The following ATP10B variants were observed in gnomAD, a reference collection of about 807,000 sequenced individuals.
The protein encoded by ATP10B is ATPase phospholipid transporting 10B (putative), also known as phospholipid-transporting ATPase VB.
Under a neutral mutation model 141.2 loss-of-function variants are expected in ATP10B, and 122 were observed. The observed-to-expected ratio is 0.86, with a 90% CI of 0.75 to 1.00. ATP10B has a LOEUF of 1.00. Among genes scored for constraint, ATP10B ranks in the 50% least tolerant of loss-of-function variants. ATP10B has a pLI of 0.00. For synonymous variants in ATP10B, 685 were observed against 692.0 expected (o/e 0.99, Z 0.16); for missense variants, 1,876 against 1,825.3 (o/e 1.03, Z -0.51).
At chr5:160,829,338 A>G (rs913117081) in intron 1 of ATP10B, among the ~76,000 whole-genome samples, 4 of 152,112 alleles carry the variant, frequency 2.6e-5, no homozygotes, top group African/African-American at 9.7e-5. Flanking sequence ...TGCCAGTACC[A>G]TGCTGTTTTG....
At chr5:160,595,254 A>G (rs1214653569) in intron 22 of ATP10B, among the ~76,000 whole-genome samples, 1 of 152,190 alleles carries the variant, frequency 6.6e-6, no homozygotes, top group East Asian at 1.9e-4. Context: ...AAACCACTCA[A>G]CTACATGGAA....
chr5:160,705,056 C>T (rs1764918907), intron 3 of ATP10B, among the ~76,000 whole-genome samples: 1 of 151,326 alleles, frequency 6.6e-6, no homozygotes, highest in Non-Finnish European at 1.5e-5. Flanking sequence ...GTAGCTGAGA[C>T]TACAGGCGCC....
intron 24 of ATP10B, among the ~76,000 whole-genome samples, chr5:160,587,665 C>T (rs1269073206): frequency 6.6e-6 from 1 of 151,954 alleles, no homozygotes; most frequent in Middle Eastern, 3.2e-3. Flanking sequence ...AGCTGTATTC[C>T]TAGGTATTTT....
At chr5:160,570,282 A>G (rs1378330332) in intron 24 of ATP10B, among the ~76,000 whole-genome samples, 1 of 152,050 alleles carries the variant, frequency 6.6e-6, no homozygotes, top group African/African-American at 2.4e-5. Context: ...CATGACTTTA[A>G]ATATTTTCTT....
intron 1 of ATP10B, among the ~76,000 whole-genome samples, chr5:160,792,810 T>C (rs779962439): frequency 6.6e-6 from 1 of 152,184 alleles, no homozygotes; most frequent in Non-Finnish European, 1.5e-5. Flanking sequence ...TGGTCACTCT[T>C]GGCCTGTGGG....
intron 7 of ATP10B, among the ~76,000 whole-genome samples, chr5:160,653,232 TGTA>T (rs1761047078): frequency 7.6e-6 from 1 of 130,998 alleles, no homozygotes; most frequent in South Asian, 2.3e-4. Flanking sequence ...CATACAAATA[TGTA>T]GTATATATAC....
the ATP10B span, among the ~76,000 whole-genome samples, chr5:160,862,145 T>C: frequency 6.6e-6 from 1 of 152,004 alleles, no homozygotes; most frequent in Non-Finnish European, 1.5e-5. Context: ...TCAACTTAGC[T>C]AGGCTACAGT....
At chr5:160,774,367 G>A (rs542517811) in intron 2 of ATP10B, among the ~76,000 whole-genome samples, 2 of 152,178 alleles carry the variant, frequency 1.3e-5, no homozygotes, top group Non-Finnish European at 2.9e-5. Flanking sequence ...GATATCCAGG[G>A]TTCTGATTCT....
intron 2 of ATP10B, among the ~76,000 whole-genome samples, chr5:160,743,987 G>T (rs1285707235): frequency 6.6e-6 from 1 of 152,102 alleles, no homozygotes; most frequent in Non-Finnish European, 1.5e-5. Context: ...ATAATACCAA[G>T]ATTGAGAAAT....
chr5:160,581,975 C>A (rs921282659), intron 24 of ATP10B, among the ~76,000 whole-genome samples: 1 of 151,784 alleles, frequency 6.6e-6, no homozygotes, highest in African/African-American at 2.4e-5. Flanking sequence ...TGCAACCCTG[C>A]TTTTTTTTGT....
the ATP10B span, among the ~76,000 whole-genome samples, chr5:160,920,954 C>G: frequency 6.6e-6 from 1 of 152,046 alleles, no homozygotes; most frequent in Non-Finnish European, 1.5e-5. Flanking sequence ...TTTTTTCTCT[C>G]TTTTTAAAGG....
At chr5:160,584,774 T>C (rs1755782563) in intron 24 of ATP10B, among the ~76,000 whole-genome samples, 2 of 152,208 alleles carry the variant, frequency 1.3e-5, no homozygotes, top group South Asian at 2.1e-4. Flanking sequence ...TGAGGGCCTA[T>C]GGGTAGTTAA....
At chr5:160,880,847 TGTA>T in the ATP10B span, among the ~76,000 whole-genome samples, 6 of 151,846 alleles carry the variant, frequency 4.0e-5, no homozygotes, top group Non-Finnish European at 7.4e-5. Context: ...TCCTAGAAAA[TGTA>T]GGAGAAAACC....
At chr5:160,697,381 T>A (rs1460381542) in intron 3 of ATP10B, among the ~76,000 whole-genome samples, 1 of 152,136 alleles carries the variant, frequency 6.6e-6, no homozygotes, top group East Asian at 1.9e-4. Context: ...AACTTTAGCA[T>A]TCCCATTTGC....
chr5:160,693,872 C>T (rs2216569), intron 3 of ATP10B, among the ~76,000 whole-genome samples: 130,816 of 152,280 alleles, frequency 0.86, 56,298 homozygotes, highest in East Asian at 0.91. Flanking sequence ...CCTCCTGCTG[C>T]GCAGCATGGT....
chr5:160,752,707 G>A (rs1768240038), intron 2 of ATP10B, among the ~76,000 whole-genome samples: 1 of 152,176 alleles, frequency 6.6e-6, no homozygotes, highest in Non-Finnish European at 1.5e-5. Flanking sequence ...ATGCATCAAA[G>A]CACAAACCAG....
At chr5:160,697,983 A>G (rs1331529904) in intron 3 of ATP10B, among the ~76,000 whole-genome samples, 4 of 152,204 alleles carry the variant, frequency 2.6e-5, no homozygotes, top group Admixed American at 1.3e-4. Context: ...CATCTGCCAC[A>G]TTACACTTTA....
the ATP10B span, among the ~76,000 whole-genome samples, chr5:160,866,984 G>A: frequency 7.9e-5 from 12 of 152,226 alleles, no homozygotes; most frequent in African/African-American, 1.4e-4. Context: ...AGGCAGTGTA[G>A]TATTGTGGCT....
At chr5:160,835,579 G>T (rs1775372901) in intron 1 of ATP10B, among the ~76,000 whole-genome samples, 1 of 152,112 alleles carries the variant, frequency 6.6e-6, no homozygotes, top group Non-Finnish European at 1.5e-5. Context: ...TAAGGATAAA[G>T]GCAAGCTTGG....
Sources: allele counts gnomAD v4.1 joint callset (sites outside exome capture counted in the v4.1 genomes callset), GRCh38; gene constraint gnomAD v4.1.1; transcripts MANE v1.5; gene names NCBI Gene and HGNC (gene_info 2026-07-23, HGNC 2026-07-21).